ADGRL2: variants seen among roughly 807,000 people sequenced by gnomAD.
ADGRL2 encodes the protein adhesion G protein-coupled receptor L2, also known as calcium-independent alpha-latrotoxin receptor 2.
ADGRL2 carries 44 observed loss-of-function variants against 157.4 expected under a neutral mutation model. The ratio of observed to expected loss-of-function variants is 0.28; its 90% CI spans 0.22 to 0.36. The LOEUF (loss-of-function observed/expected upper bound fraction) is 0.36. Among genes scored for constraint, ADGRL2 ranks in the 10% least tolerant of loss-of-function variants. The probability of loss-of-function intolerance (pLI) is 1.00; values close to 1 mark genes in which losing one functional copy is unlikely to be tolerated. For synonymous variants in ADGRL2, 585 were observed against 624.7 expected, an observed-to-expected ratio of 0.94 and a Z score of 0.95; for missense variants, 1,510 against 1,768.9, an observed-to-expected ratio of 0.85 and a Z score of 2.63.
At chr1:81,683,879 C>T (rs2083173308) in intron 3 of ADGRL2, among the ~76,000 whole-genome samples, 1 of 151,952 alleles carries the variant, frequency 6.6e-6, no homozygotes, top group East Asian at 1.9e-4. Context: ...TGCAGTGGCG[C>T]AATCTCGGCT....
chr1:81,973,942 T>C (rs7515591), intron 17 of ADGRL2, among the ~76,000 whole-genome samples: 1 of 150,834 alleles, frequency 6.6e-6, no homozygotes, highest in Non-Finnish European at 1.5e-5. Flanking sequence ...GGGGAAAAAA[T>C]ATATATATAT....
At chr1:81,742,025 T>G (rs375661138) in intron 1 of ADGRL2, among the ~76,000 whole-genome samples, 2 of 151,958 alleles carry the variant, frequency 1.3e-5, no homozygotes, top group East Asian at 3.8e-4. Context: ...TTTCCTGCCC[T>G]AGGTTTACAT....
At chr1:81,381,236 GGATAACT>G (rs1239444505) in intron 1 of ADGRL2, among the ~76,000 whole-genome samples, 1 of 151,726 alleles carries the variant, frequency 6.6e-6, no homozygotes, top group Non-Finnish European at 1.5e-5. Flanking sequence ...AACTCTTCAG[GGATAACT>G]TTTCCCAAAA....
intron 2 of ADGRL2, among the ~76,000 whole-genome samples, chr1:81,526,641 T>G (rs891833022): frequency 6.6e-6 from 1 of 152,240 alleles, no homozygotes; most frequent in Non-Finnish European, 1.5e-5. Flanking sequence ...ATTGAGATTT[T>G]TCTCTGGGAG....
At chr1:81,340,348 T>C (rs530028793) in intron 1 of ADGRL2, among the ~76,000 whole-genome samples, 9 of 152,324 alleles carry the variant, frequency 5.9e-5, no homozygotes, top group South Asian at 2.1e-4. Context: ...TATCCAAGCT[T>C]CTGCTTTTTG....
At chr1:81,329,904 T>C (rs890873982) in intron 1 of ADGRL2, among the ~76,000 whole-genome samples, 2 of 152,218 alleles carry the variant, frequency 1.3e-5, no homozygotes, top group African/African-American at 4.8e-5. Context: ...TTGCAATCTT[T>C]ATAGATTAAT....
intron 1 of ADGRL2, among the ~76,000 whole-genome samples, chr1:81,433,709 A>G (rs2101632403): frequency 6.6e-6 from 1 of 152,320 alleles, no homozygotes; most frequent in South Asian, 2.1e-4. Context: ...TTGCTGCATA[A>G]TAAAGCACCC....
chr1:81,932,819 G>A (rs1192691209), intron 3 of ADGRL2, among the ~76,000 whole-genome samples: 1 of 152,016 alleles, frequency 6.6e-6, no homozygotes, highest in Non-Finnish European at 1.5e-5. Context: ...TCTGCCTCCC[G>A]AGTAGCTGGG....
intron 1 of ADGRL2, among the ~76,000 whole-genome samples, chr1:81,444,800 TC>T (rs1468279379): frequency 6.6e-6 from 1 of 152,176 alleles, no homozygotes; most frequent in Non-Finnish European, 1.5e-5. Flanking sequence ...TCGTTTTAGA[TC>T]TTTTTGCTTT....
chr1:81,957,923 T>C (rs1038809317), intron 11 of ADGRL2, among the ~76,000 whole-genome samples: 6 of 151,810 alleles, frequency 4.0e-5, no homozygotes, highest in African/African-American at 1.5e-4. Flanking sequence ...CACAGCACTT[T>C]GGGAGGCCGA....
rs1014776077 is a variant in ADGRL2 at position 81,313,932 on chromosome 1, T to C, written c.-302+7423T>C. Reference sequence around the variant, plus strand: ...TGATATTTCTCTCCTTCATACTCTGTCCCCAATCCATTATAAGTATATCAT... The same window carrying C: ...TGATATTTCTCTCCTTCATACTCTGCCCCCAATCCATTATAAGTATATCAT... On this transcript the variant is annotated intron_variant, in intron 1 of 24. Transcript: ENST00000370721. 2.6e-5 allele frequency among the ~76,000 whole-genome samples: 4 copies of C among 152,164 alleles called. No homozygotes were observed. The East Asian group carries it at 7.7e-4, about 29-fold the overall frequency.
intron 13 of ADGRL2, among the ~76,000 whole-genome samples, chr1:81,967,788 A>G (rs1172691953): frequency 3.9e-5 from 6 of 152,202 alleles, no homozygotes; most frequent in Admixed American, 2.0e-4. Context: ...GGAAATTGTA[A>G]TTGTGTAAAA....
intron 2 of ADGRL2, among the ~76,000 whole-genome samples, chr1:81,525,230 G>A (rs2079425045): frequency 6.6e-6 from 1 of 152,072 alleles, no homozygotes; most frequent in Non-Finnish European, 1.5e-5. Flanking sequence ...AAACCAGTAA[G>A]CTTGAAATCT....
At chr1:81,557,415 GAGAA>G (rs1247713806) in intron 2 of ADGRL2, 1 of 146,774 alleles carries the variant, frequency 6.8e-6, no homozygotes, top group Non-Finnish European at 1.5e-5. Flanking sequence ...AAGAGAGAGA[GAGAA>G]AGAGAGAGAG....
At chr1:81,988,598 G>T (rs1572542252) in intron 23 of ADGRL2, among the ~76,000 whole-genome samples, 1 of 152,072 alleles carries the variant, frequency 6.6e-6, no homozygotes, top group Non-Finnish European at 1.5e-5. Flanking sequence ...CATGGAACAT[G>T]ATACAAATTT....
chr1:81,430,134 C>T (rs1419302490), intron 1 of ADGRL2, among the ~76,000 whole-genome samples: 1 of 152,200 alleles, frequency 6.6e-6, no homozygotes, highest in Non-Finnish European at 1.5e-5. Context: ...CTCAGGTGAT[C>T]CGCCAGCCTG....
chr1:81,626,839 A>G (rs780253275), intron 3 of ADGRL2, among the ~76,000 whole-genome samples: 60 of 152,132 alleles, frequency 3.9e-4, no homozygotes, highest in Non-Finnish European at 7.9e-4. Flanking sequence ...ATTTGTACCT[A>G]TACTTTACCA....
chr1:81,448,137 CTTTTTTTTTTTT>C (rs1168945231), intron 2 of ADGRL2, among the ~76,000 whole-genome samples: 5 of 83,502 alleles, frequency 6.0e-5, no homozygotes, highest in Admixed American at 3.4e-4. Context: ...TTCTTTCTTT[CTTTTTTTTTTTT>C]TTTTTTTTTT....
intron 4 of ADGRL2, 67 bp downstream of exon 4, chr1:81,936,904 C>T (rs1003078965): frequency 8.5e-6 from 8 of 945,142 alleles, no homozygotes; most frequent in South Asian, 1.3e-5. Context: ...AAAGACTACA[C>T]ATGTGAAAGA....
Sources: gnomAD v4.1 joint callset for allele counts (sites outside exome capture counted in the v4.1 genomes callset) on GRCh38, gnomAD v4.1.1 for gene constraint, MANE v1.5 for transcripts, NCBI Gene and HGNC (gene_info 2026-07-23, HGNC 2026-07-21) for gene names.